Variants in RAP1GDS1 observed in about 807,000 individuals in gnomAD.
RAP1GDS1 encodes RAP1, GTP-GDP dissociation stimulator 1.
Under a neutral mutation model 71.1 loss-of-function variants are expected in RAP1GDS1, and 35 were observed. That is an observed-to-expected ratio of 0.49 (90% CI 0.38 to 0.65). The LOEUF is 0.65. RAP1GDS1 is among the 30% of genes least tolerant of loss of function. The probability of loss-of-function intolerance (pLI) is 0.00; values close to 1 mark genes in which losing one functional copy is unlikely to be tolerated. For missense variants in RAP1GDS1, 663 were observed against 706.1 expected (o/e 0.94, Z 0.69); for synonymous variants, 229 against 243.1 (o/e 0.94, Z 0.54).
chr4:98,381,761 A>G (rs1578666461), intron 5 of RAP1GDS1, among the ~76,000 whole-genome samples: 1 of 151,598 alleles, frequency 6.6e-6, no homozygotes, highest in Admixed American at 6.6e-5. Context: ...CTTGGACCCA[A>G]TAACTTAAGC....
At chr4:98,298,954 A>G (rs1048489377) in intron 2 of RAP1GDS1, among the ~76,000 whole-genome samples, 4 of 152,164 alleles carry the variant, frequency 2.6e-5, no homozygotes, top group Admixed American at 2.6e-4. Context: ...CATGTGCACA[A>G]CATGCAGGTT....
intron 2 of RAP1GDS1, among the ~76,000 whole-genome samples, chr4:98,324,604 A>T (rs1467920345): frequency 6.9e-6 from 1 of 145,890 alleles, no homozygotes; most frequent in South Asian, 2.3e-4. Flanking sequence ...CAGAGCCCTC[A>T]GAAATAACGC....
At chr4:98,392,199 G>A (rs1017629886) in intron 6 of RAP1GDS1, 119 bp downstream of exon 6, 2 of 958,654 alleles carry the variant, frequency 2.1e-6, no homozygotes, top group African/African-American at 3.4e-5. Flanking sequence ...ATTTTTTGAA[G>A]CATTTGAGAT....
chr4:98,413,731 A>G (rs950269177), intron 7 of RAP1GDS1, among the ~76,000 whole-genome samples: 19 of 152,228 alleles, frequency 1.2e-4, no homozygotes, highest in African/African-American at 4.6e-4. Context: ...TTGGGTATAT[A>G]CCCAGTAATG....
chr4:98,368,042 A>T (rs1195361783), intron 4 of RAP1GDS1, among the ~76,000 whole-genome samples: 2 of 152,040 alleles, frequency 1.3e-5, no homozygotes, highest in African/African-American at 4.8e-5. Context: ...TCCCCACCCA[A>T]ATCTCATTTT....
chr4:98,367,608 CAA>C lies in RAP1GDS1; in HGVS notation c.362-11408_362-11407del, dbSNP rs1407157410. On this transcript the variant is annotated intron_variant, in intron 4 of 14. Coordinates refer to ENST00000408927, the MANE Select transcript of RAP1GDS1 (RefSeq NM_001100427.2). ...CAGGATGGGGGCTATACCCTGCAAA[CAA>C]GAGGGCAGAGCTGCCCAAGACCATG... Among the ~76,000 whole-genome samples, 24 of 152,322 alleles carry C rather than the reference CAA, an allele frequency of 1.6e-4. No individual in the cohort carries two copies. The East Asian group carries it at 4.6e-3, about 30-fold the overall frequency.
At chr4:98,340,075 C>T (rs913066484) in intron 2 of RAP1GDS1, among the ~76,000 whole-genome samples, 2 of 151,690 alleles carry the variant, frequency 1.3e-5, no homozygotes, top group Non-Finnish European at 2.9e-5. Flanking sequence ...TTATACACTG[C>T]TGGTGGGAAT....
chr4:98,264,252 C>G (rs1001193108), intron 1 of RAP1GDS1, among the ~76,000 whole-genome samples: 1 of 151,984 alleles, frequency 6.6e-6, no homozygotes, highest in Non-Finnish European at 1.5e-5. Context: ...AACAATTAGC[C>G]GGGTGTGGTG....
intron 2 of RAP1GDS1, among the ~76,000 whole-genome samples, chr4:98,329,550 G>A (rs893004410): frequency 1.3e-5 from 2 of 152,026 alleles, no homozygotes; most frequent in African/African-American, 4.8e-5. Context: ...AACACTTTGG[G>A]AGGCCAAGGC....
intron 4 of RAP1GDS1, among the ~76,000 whole-genome samples, chr4:98,367,134 C>G (rs1332533084): frequency 2.0e-5 from 3 of 152,134 alleles, no homozygotes; most frequent in African/African-American, 7.2e-5. Flanking sequence ...CCTGCCTACT[C>G]TGTGCAGCCT....
intron 5 of RAP1GDS1, among the ~76,000 whole-genome samples, chr4:98,383,169 T>C (rs1000117691): frequency 2.6e-5 from 4 of 151,610 alleles, no homozygotes; most frequent in African/African-American, 9.7e-5. Context: ...GGGTTTAACT[T>C]TTTCTCCTAG....
At chr4:98,408,091 T>TAC (rs1746416082) in intron 7 of RAP1GDS1, among the ~76,000 whole-genome samples, 1 of 139,508 alleles carries the variant, frequency 7.2e-6, no homozygotes, top group African/African-American at 3.0e-5. Flanking sequence ...CCATATATTT[T>TAC]ATATATATAT....
At chr4:98,405,550 G>A (rs1299688366) in intron 7 of RAP1GDS1, among the ~76,000 whole-genome samples, 3 of 152,096 alleles carry the variant, frequency 2.0e-5, no homozygotes, top group East Asian at 1.9e-4. Context: ...AGTGTGCAGA[G>A]GCAATATTTG....
In RAP1GDS1 at chr4:98,343,210, T is replaced by A. The variant is rs1388556899; in HGVS notation, c.184T>A (p.Ser62Thr). 1.9e-6 allele frequency: 3 copies of A among 1,605,284 alleles called. No individual in the cohort carries two copies. Among genetic ancestry groups the A allele is most frequent in the Non-Finnish European group, 2.6e-6 (3 of 1,172,134 alleles). ...GTTTGCAAGTCTGTTGACTCCACAGTCTTCCTGCAAAGCCAAAGTAGCTAA... is the reference window on the plus strand; with the variant it reads ...GTTTGCAAGTCTGTTGACTCCACAGACTTCCTGCAAAGCCAAAGTAGCTAA... ...QLFASLLTPQ[S>T]SCKAKVANII... The change falls in exon 3 of 15, where the codon TCT becomes ACT. Residue 62 changes from serine to threonine, a missense_variant. By Grantham distance (58) the Ser-to-Thr change is moderately conservative (BLOSUM62 1). Coordinates refer to ENST00000408927, the MANE Select transcript of RAP1GDS1 (RefSeq NM_001100427.2).
chr4:98,313,966 A>G (rs1478794618), intron 2 of RAP1GDS1, among the ~76,000 whole-genome samples: 1 of 152,192 alleles, frequency 6.6e-6, no homozygotes, highest in Non-Finnish European at 1.5e-5. Flanking sequence ...AAGAGACATA[A>G]GGATTCATAG....
chr4:98,278,902 A>C (rs576194929), intron 1 of RAP1GDS1, among the ~76,000 whole-genome samples: 1 of 152,150 alleles, frequency 6.6e-6, no homozygotes, highest in African/African-American at 2.4e-5. Flanking sequence ...ATGGCATTCC[A>C]TTTTAAAAAG....
chr4:98,405,162 T>C (rs1268317901), intron 7 of RAP1GDS1, among the ~76,000 whole-genome samples: 1 of 152,168 alleles, frequency 6.6e-6, no homozygotes, highest in Non-Finnish European at 1.5e-5. Context: ...ACTGGAATTA[T>C]TAGACACTGA....
At chr4:98,349,558 A>G (rs866471047) in intron 3 of RAP1GDS1, among the ~76,000 whole-genome samples, 2 of 152,176 alleles carry the variant, frequency 1.3e-5, no homozygotes, top group Middle Eastern at 3.2e-3. Flanking sequence ...TACTTTGGGC[A>G]GTATGGCCAT....
At chr4:98,304,571 T>A (rs1434402976) in intron 2 of RAP1GDS1, among the ~76,000 whole-genome samples, 1 of 152,192 alleles carries the variant, frequency 6.6e-6, no homozygotes, top group African/African-American at 2.4e-5. Flanking sequence ...CGTTTGTAGT[T>A]CCTTGTAAAT....
Sources: gnomAD v4.1 joint callset for allele counts (sites outside exome capture counted in the v4.1 genomes callset) on GRCh38, gnomAD v4.1.1 for gene constraint, MANE v1.5 for transcripts, NCBI Gene and HGNC (gene_info 2026-07-23, HGNC 2026-07-21) for gene names.